Variants in HIVEP3 observed in about 807,000 individuals in gnomAD.
HIVEP3 encodes the protein transcription factor HIVEP3.
HIVEP3 carries 49 observed loss-of-function variants against 152.8 expected under a neutral mutation model. That is an observed-to-expected ratio of 0.32 (90% CI 0.26 to 0.41). The LOEUF (loss-of-function observed/expected upper bound fraction) is 0.41, where lower values mean the gene tolerates loss of function less well. HIVEP3 is among the 10% of genes least tolerant of loss of function. HIVEP3 has a pLI of 1.00. For missense variants in HIVEP3, 2,790 were observed against 3,103.3 expected (o/e 0.90, Z 2.40); for synonymous variants, 1,269 against 1,289.0 (o/e 0.98, Z 0.33).
chr1:41,617,243 C>T (rs1024383393), intron 3 of HIVEP3, among the ~76,000 whole-genome samples: 1 of 151,768 alleles, frequency 6.6e-6, no homozygotes, highest in Non-Finnish European at 1.5e-5. Context: ...TCTTTACAGA[C>T]TGATGCATTC....
intron 6 of HIVEP3, among the ~76,000 whole-genome samples, chr1:41,523,900 C>T (rs1022026837): frequency 2.0e-5 from 3 of 152,242 alleles, no homozygotes; most frequent in Admixed American, 6.5e-5. Context: ...CCCTCCAAGG[C>T]GCTTCAGTCT....
At chr1:41,851,093 G>T (rs1275454138) in intron 1 of HIVEP3, among the ~76,000 whole-genome samples, 1 of 151,964 alleles carries the variant, frequency 6.6e-6, no homozygotes, top group Non-Finnish European at 1.5e-5. Flanking sequence ...TAAAACATTT[G>T]TTCATCATCT....
intron 2 of HIVEP3, among the ~76,000 whole-genome samples, chr1:41,679,992 C>T (rs1646013837): frequency 1.3e-5 from 2 of 152,228 alleles, no homozygotes; most frequent in African/African-American, 4.8e-5. Flanking sequence ...CACAGCCACC[C>T]ACTCCATGAC....
At chr1:42,012,492 A>AC (rs1645498688) in intron 1 of HIVEP3, among the ~76,000 whole-genome samples, 2 of 152,122 alleles carry the variant, frequency 1.3e-5, no homozygotes, top group Non-Finnish European at 2.9e-5. Context: ...AGAGTTCAAG[A>AC]CCAGCCTCAC....
chr1:41,821,731 G>C (rs989618976), intron 1 of HIVEP3, among the ~76,000 whole-genome samples: 1 of 152,208 alleles, frequency 6.6e-6, no homozygotes, highest in Non-Finnish European at 1.5e-5. Flanking sequence ...TAGAGAGATG[G>C]GTAATGGGTA....
At chr1:41,835,848 C>G (rs1446175005) in intron 1 of HIVEP3, among the ~76,000 whole-genome samples, 1 of 152,100 alleles carries the variant, frequency 6.6e-6, no homozygotes, top group Non-Finnish European at 1.5e-5. Flanking sequence ...GAAGCAGTAC[C>G]AAAGATAAAA....
At chr1:41,638,122 C>T (rs921915656) in intron 2 of HIVEP3, among the ~76,000 whole-genome samples, 6 of 151,932 alleles carry the variant, frequency 3.9e-5, no homozygotes, top group East Asian at 1.9e-4. Context: ...ATTTGGGTGA[C>T]GGTTGTACTA....
intron 1 of HIVEP3, among the ~76,000 whole-genome samples, chr1:41,770,530 T>C (rs1326169545): frequency 6.6e-6 from 1 of 152,150 alleles, no homozygotes; most frequent in Non-Finnish European, 1.5e-5. Context: ...ATTAACATAA[T>C]GAGCAATAAA....
At chr1:41,876,396 G>T (rs1474036908) in intron 1 of HIVEP3, among the ~76,000 whole-genome samples, 1 of 152,208 alleles carries the variant, frequency 6.6e-6, no homozygotes, top group South Asian at 2.1e-4. Context: ...AACTCTGAGC[G>T]AGTTGCTTAA....
chr1:41,702,172 C>A (rs1245350715), intron 1 of HIVEP3, among the ~76,000 whole-genome samples: 7 of 152,000 alleles, frequency 4.6e-5, no homozygotes, highest in African/African-American at 9.7e-5. Context: ...CAAATGGGCA[C>A]CCGAGGATTA....
intron 1 of HIVEP3, among the ~76,000 whole-genome samples, chr1:41,721,806 C>T (rs954166870): frequency 2.6e-5 from 4 of 152,178 alleles, no homozygotes; most frequent in South Asian, 2.1e-4. Flanking sequence ...CCCAGGCAGG[C>T]AGCTCCAGAA....
At chr1:41,618,577 T>C (rs1645002277) in intron 3 of HIVEP3, among the ~76,000 whole-genome samples, 2 of 151,930 alleles carry the variant, frequency 1.3e-5, no homozygotes. Context: ...TGGGTGCCCC[T>C]GTCCCGTTCT....
At chr1:41,749,985 C>A (rs1409767756) in intron 1 of HIVEP3, among the ~76,000 whole-genome samples, 2 of 152,180 alleles carry the variant, frequency 1.3e-5, no homozygotes, top group East Asian at 1.9e-4. Context: ...TCACTTGGAA[C>A]CTTTCTGGCT....
rs1642430772 is a variant in HIVEP3, at chr1:41,511,858, A to G, written c.6406-592T>C. On this transcript the variant is annotated intron_variant, in intron 8 of 8. Coordinates refer to ENST00000372583, the MANE Select transcript of HIVEP3 (RefSeq NM_024503.5). This position sits in a 1 kb window ranked among gnomAD's most constrained non-coding sequence, Gnocchi z 4.9. Reference sequence around the variant, plus strand: ...GTGCTATCGGTGGAGGGGTCATGGCAGCTGAGGGGACAGGGATGGTGACTG... The same window carrying G: ...GTGCTATCGGTGGAGGGGTCATGGCGGCTGAGGGGACAGGGATGGTGACTG... Among the ~76,000 whole-genome samples, 1 of 152,136 alleles carries G rather than the reference A, an allele frequency of 6.6e-6. No homozygotes were observed. The highest frequency in any genetic ancestry group is 2.1e-4 in the South Asian group (1 of 4,828).
At chr1:41,886,430 G>A (rs569972839) in intron 1 of HIVEP3, among the ~76,000 whole-genome samples, 23 of 152,084 alleles carry the variant, frequency 1.5e-4, no homozygotes, top group South Asian at 6.2e-4. Flanking sequence ...TATACAGAGC[G>A]GTCCGGGTGC....
At position 41,826,797 on chromosome 1, in the gene HIVEP3, A is replaced by G. The variant is rs143397299; in HGVS notation, c.-801+91616T>C. Reference sequence around the variant, plus strand: ...CTGTATTGCTTTAATAAAATCAGGGAGAAATGTTACTGACTTCAAAACCTG... The same window carrying G: ...CTGTATTGCTTTAATAAAATCAGGGGGAAATGTTACTGACTTCAAAACCTG... On this transcript the variant is annotated intron_variant, in intron 1 of 8. Transcript: ENST00000372583. 1.6e-3 allele frequency among the ~76,000 whole-genome samples: 250 copies of G among 152,306 alleles called. 1 individual carries two copies. Among genetic ancestry groups the G allele is most frequent in the African/African-American group, 5.6e-3 (233 of 41,554 alleles).
At chr1:41,850,349 C>A (rs1643562119) in intron 1 of HIVEP3, among the ~76,000 whole-genome samples, 1 of 152,116 alleles carries the variant, frequency 6.6e-6, no homozygotes, top group African/African-American at 2.4e-5. Flanking sequence ...AAACTGTTTA[C>A]AAAATGTTTT....
At position 41,840,382 on chromosome 1, in the gene HIVEP3, C is replaced by T. The variant is rs144415301; in HGVS notation, c.-801+78031G>A. 8.5e-5 allele frequency among the ~76,000 whole-genome samples: 13 copies of T among 152,118 alleles called. No individual in the cohort carries two copies. In the East Asian group the frequency reaches 1.4e-3, roughly 16 times the overall value. On this transcript the variant is annotated intron_variant, in intron 1 of 8. Transcript: ENST00000372583. ...AAGGCCATGTGATGACAACAGAGGCCGAGACCTGATGACATCTCTACAAGC... is the reference window on the plus strand; with the variant it reads ...AAGGCCATGTGATGACAACAGAGGCTGAGACCTGATGACATCTCTACAAGC...
At chr1:41,957,231 C>T (rs960050728) in intron 1 of HIVEP3, among the ~76,000 whole-genome samples, 7 of 44,956 alleles carry the variant, frequency 1.6e-4, no homozygotes, top group African/African-American at 3.3e-4. Context: ...AAAGTTTTGC[C>T]AGAATAATCT....
Sources: allele counts gnomAD v4.1 joint callset (sites outside exome capture counted in the v4.1 genomes callset), GRCh38; gene constraint gnomAD v4.1.1; non-coding constraint Gnocchi (gnomAD v3.1); transcripts MANE v1.5; gene names NCBI Gene and HGNC (gene_info 2026-07-23, HGNC 2026-07-21).